Variants in SAFB observed in about 807,000 individuals in gnomAD.
SAFB encodes the protein scaffold attachment factor B.
In SAFB, 15 loss-of-function variants were observed where a neutral mutation model predicts 101.6. That is an observed-to-expected ratio of 0.15 (90% CI 0.10 to 0.23). SAFB has a LOEUF of 0.23. Ranked by LOEUF, SAFB falls within the 10% of genes least tolerant of loss-of-function variation. The pLI is 1.00. For missense variants in SAFB, 930 were observed against 1,104.1 expected (o/e 0.84, Z 2.23); for synonymous variants, 449 against 407.5 (o/e 1.10, Z -1.23).
At chr19:5,624,576 A>C (rs1599304550) in intron 1 of SAFB, among the ~76,000 whole-genome samples, 2 of 146,540 alleles carry the variant, frequency 1.4e-5, no homozygotes, top group Non-Finnish European at 3.0e-5. Flanking sequence ...CTGGCCGCCC[A>C]CCCCCCAGCC....
chr19:5,648,854 G>A (rs1013758021), intron 6 of SAFB, 135 bp from the exon 7 acceptor site: 5 of 515,770 alleles, frequency 9.7e-6, no homozygotes, highest in South Asian at 2.0e-5. Flanking sequence ...TTGTGTACCC[G>A]CGGGTTTTCC....
At chr19:5,654,322 G>A in intron 12 of SAFB, 46 bp from the exon 13 acceptor site, 1 of 1,588,972 alleles carries the variant, frequency 6.3e-7, no homozygotes, top group African/African-American at 1.3e-5. Context: ...TTTCTCATCT[G>A]GGTATTCTTG....
At chr19:5,657,964 A>G (rs539611614) in intron 14 of SAFB, among the ~76,000 whole-genome samples, 6 of 152,322 alleles carry the variant, frequency 3.9e-5, no homozygotes, top group Admixed American at 3.9e-4. Context: ...TGAAAGCAGG[A>G]AGAGAGACAG....
intron 2 of SAFB, among the ~76,000 whole-genome samples, chr19:5,627,340 C>T (rs1006232657): frequency 6.6e-6 from 1 of 151,906 alleles, no homozygotes; most frequent in South Asian, 2.1e-4. Flanking sequence ...CGTCGAGGCA[C>T]GCCTGTTTTC....
intron 2 of SAFB, among the ~76,000 whole-genome samples, chr19:5,637,159 A>G (rs943708568): frequency 4.0e-5 from 6 of 150,726 alleles, no homozygotes; most frequent in Admixed American, 3.9e-4. Context: ...CCTGGCTAAC[A>G]CGGTGAAACC....
chr19:5,654,387 G>A lies in SAFB; in HGVS notation c.1686G>A (p.Arg562=), dbSNP rs754859818. 21 of 1,613,432 alleles carry A rather than the reference G, an allele frequency of 1.3e-5. No individual in the cohort carries two copies. The African/African-American group carries it at 2.1e-4, about 16-fold the overall frequency. The change falls in exon 13 of 21, where the codon CGG becomes CGA. Residue 562 remains arginine, a synonymous_variant. Coordinates refer to ENST00000588852, the MANE Select transcript of SAFB (RefSeq NM_001201338.2). ...ATKSGSRGTE[R]TVVMDKSKGV... is the part of the protein sequence containing the mutation. ...CTGTAGGAAGTCGAGGGACCGAACG[G>A]ACTGTAGTAATGGATAAATCCAAAG...
chr19:5,663,251 T>C (rs982669442), intron 15 of SAFB, among the ~76,000 whole-genome samples: 1 of 152,194 alleles, frequency 6.6e-6, no homozygotes. Flanking sequence ...TCCACCCACC[T>C]TGGCCTCCCA....
intron 4 of SAFB, 119 bp from the exon 5 acceptor site, chr19:5,645,218 G>C: frequency 1.8e-6 from 1 of 570,740 alleles, no homozygotes; most frequent in South Asian, 2.2e-5. Flanking sequence ...TTTCTGCCCT[G>C]GGTTTAAAAT....
chr19:5,625,035 C>T (rs912190508), intron 1 of SAFB, among the ~76,000 whole-genome samples: 9 of 152,186 alleles, frequency 5.9e-5, no homozygotes, highest in African/African-American at 1.2e-4. Context: ...TCCCATCACT[C>T]GCTGTCATCT....
At chr19:5,643,948 A>G (rs1227507822) in intron 4 of SAFB, among the ~76,000 whole-genome samples, 1 of 151,724 alleles carries the variant, frequency 6.6e-6, no homozygotes, top group East Asian at 1.9e-4. Context: ...TCTGCTCCTC[A>G]CTTGCAAGAG....
At position 5,654,057 on chromosome 19, in the gene SAFB, A is replaced by G. The variant is rs2053999798; in HGVS notation, c.1527-4A>G. Reference sequence around the variant, plus strand: ...CGCCCAGCCAACATGTCTGTTTTTTATAGATCTACAAACCTTAAGAGGGAT... The same window carrying G: ...CGCCCAGCCAACATGTCTGTTTTTTGTAGATCTACAAACCTTAAGAGGGAT... On this transcript the variant is annotated splice_polypyrimidine_tract_variant and splice_region_variant and intron_variant, in intron 11 of 20. Transcript: ENST00000588852. 6.2e-7 allele frequency: 1 copy of G among 1,613,930 alleles called. No homozygotes were observed. The highest frequency in any genetic ancestry group is 8.5e-7 in the Non-Finnish European group (1 of 1,179,932).
intron 2 of SAFB, among the ~76,000 whole-genome samples, chr19:5,626,844 A>G (rs2053374760): frequency 6.6e-6 from 1 of 152,166 alleles, no homozygotes; most frequent in African/African-American, 2.4e-5. Context: ...CTGGGAGTTC[A>G]AGACCAGCCT....
At chr19:5,665,857 AAGG>A (rs978168499) in intron 17 of SAFB, 3 of 152,228 alleles carry the variant, frequency 2.0e-5, no homozygotes, top group African/African-American at 7.2e-5. Flanking sequence ...TTCAAATACT[AAGG>A]AGAGCTTATT....
intron 9 of SAFB, among the ~76,000 whole-genome samples, chr19:5,652,646 G>A (rs983746173): frequency 5.3e-5 from 8 of 152,296 alleles, no homozygotes; most frequent in Admixed American, 3.9e-4. Flanking sequence ...ACATCACTGC[G>A]TTTTGTTACA....
At chr19:5,644,631 C>T (rs1361566180) in intron 4 of SAFB, among the ~76,000 whole-genome samples, 3 of 152,172 alleles carry the variant, frequency 2.0e-5, no homozygotes, top group African/African-American at 7.2e-5. Context: ...AAAATACATG[C>T]TGGTTATAAA....
intron 2 of SAFB, among the ~76,000 whole-genome samples, chr19:5,630,623 G>A (rs1057019856): frequency 6.6e-6 from 1 of 151,836 alleles, no homozygotes; most frequent in African/African-American, 2.4e-5. Flanking sequence ...GGGTGTGGTG[G>A]CAAGCGCCTG....
At chr19:5,644,859 C>T (rs867529349) in intron 4 of SAFB, among the ~76,000 whole-genome samples, 40 of 152,346 alleles carry the variant, frequency 2.6e-4, no homozygotes, top group African/African-American at 5.3e-4. Flanking sequence ...TCCTCACCCT[C>T]ATGCTGGGAG....
At position 5,667,001 on chromosome 19, in the gene SAFB, C is replaced by T; in HGVS notation, c.2335-45C>T. On this transcript the variant is annotated intron_variant, in intron 17 of 20. Coordinates refer to ENST00000588852, the MANE Select transcript of SAFB (RefSeq NM_001201338.2). This position sits in a 1 kb window ranked among gnomAD's most constrained non-coding sequence, Gnocchi z 4.0. ...CCTGAAAAGCCTTGGGGTCTGGGCGCTGACACTGAAGCTTTTTTTTCCCTT... is the reference window on the plus strand; with the variant it reads ...CCTGAAAAGCCTTGGGGTCTGGGCGTTGACACTGAAGCTTTTTTTTCCCTT... 1 of 1,241,046 alleles carries T rather than the reference C, an allele frequency of 8.1e-7. No homozygotes were observed. The highest frequency in any genetic ancestry group is 1.2e-6 in the Non-Finnish European group (1 of 839,858). The allele number at this position is 1,241,046 out of a possible 1,614,324, so 76.9% of individuals were successfully genotyped here.
intron 11 of SAFB, 118 bp downstream of exon 11, chr19:5,653,538 C>G: frequency 1.3e-6 from 1 of 789,366 alleles, no homozygotes; most frequent in Admixed American, 2.5e-5. Flanking sequence ...GTGATCTCGG[C>G]TCACCTCAAC....
Sources: allele counts gnomAD v4.1 joint callset (sites outside exome capture counted in the v4.1 genomes callset), GRCh38; gene constraint gnomAD v4.1.1; non-coding constraint Gnocchi (gnomAD v3.1); transcripts MANE v1.5; gene names NCBI Gene and HGNC (gene_info 2026-07-23, HGNC 2026-07-21).